The following UBE2L3 variants were observed in gnomAD, a reference collection of about 807,000 sequenced individuals.
UBE2L3 encodes ubiquitin conjugating enzyme E2 L3, also known as ubiquitin-conjugating enzyme E2 L3.
In UBE2L3, 1 loss-of-function variant was observed where a neutral mutation model predicts 17.8. The observed-to-expected ratio is 0.06, with a 90% confidence interval of 0.02 to 0.27. The LOEUF is 0.27. Among genes scored for constraint, UBE2L3 ranks in the 10% least tolerant of loss-of-function variants. UBE2L3 has a pLI of 1.00. For synonymous variants in UBE2L3, 44 were observed against 68.5 expected (o/e 0.64, Z 1.76); for missense variants, 40 against 192.6 (o/e 0.21, Z 4.69).
intron 3 of UBE2L3, among the ~76,000 whole-genome samples, chr22:21,618,962 T>G (rs1929916141): frequency 6.6e-6 from 1 of 151,890 alleles, no homozygotes; most frequent in African/African-American, 2.4e-5. Context: ...AGGTGAAAAC[T>G]CCTGAGCGTG....
At chr22:21,586,919 G>T (rs1473611701) in intron 1 of UBE2L3, among the ~76,000 whole-genome samples, 3 of 131,076 alleles carry the variant, frequency 2.3e-5, no homozygotes, top group East Asian at 5.0e-4. Context: ...TCGCTCTGTC[G>T]CCCAGGCTGG....
chr22:21,598,572 A>T (rs1928685975), intron 2 of UBE2L3, among the ~76,000 whole-genome samples: 1 of 133,346 alleles, frequency 7.5e-6, no homozygotes, highest in Admixed American at 8.2e-5. Flanking sequence ...ATAAATAGAG[A>T]TGGGGGCTGG....
chr22:21,607,820 A>G (rs565525407), intron 2 of UBE2L3, among the ~76,000 whole-genome samples: 1 of 152,240 alleles, frequency 6.6e-6, no homozygotes, highest in Non-Finnish European at 1.5e-5. Context: ...TCACCTGTTG[A>G]GTGACCAGCT....
intron 2 of UBE2L3, among the ~76,000 whole-genome samples, chr22:21,595,471 C>T (rs113388758): frequency 1.1e-4 from 16 of 152,280 alleles, no homozygotes; most frequent in African/African-American, 3.4e-4. Flanking sequence ...AGAGCCAGGC[C>T]GATGAAGGCA....
chr22:21,617,289 C>G (rs532097570), intron 3 of UBE2L3, among the ~76,000 whole-genome samples: 136 of 151,770 alleles, frequency 9.0e-4, no homozygotes, highest in African/African-American at 3.0e-3. Context: ...GTTGGGGGGA[C>G]AGAGTCTCAC....
chr22:21,621,924 A>G lies in UBE2L3; in HGVS notation c.*255A>G. ...CACTGCTTCAATCTACTTCAAAAGA[A>G]TGGTGTTTCTTTTCTTGTCCAATTT... is the stretch of plus-strand genomic sequence containing the variant. On this transcript the variant is annotated 3_prime_UTR_variant, in exon 4 of 4. Coordinates refer to ENST00000342192, the MANE Select transcript of UBE2L3 (RefSeq NM_003347.4). The G allele has an allele frequency of 2.5e-6, 1 of 401,640 alleles. No homozygotes were observed. Among genetic ancestry groups the G allele is most frequent in the Non-Finnish European group, 4.4e-6 (1 of 227,612 alleles). The allele number at this position is 401,640 out of a possible 1,614,324, so 24.9% of individuals were successfully genotyped here.
intron 1 of UBE2L3, among the ~76,000 whole-genome samples, chr22:21,569,878 G>A (rs891081396): frequency 1.3e-5 from 2 of 152,184 alleles, no homozygotes; most frequent in Non-Finnish European, 2.9e-5. Flanking sequence ...AGTTGTGATC[G>A]AATTCGGTTC....
chr22:21,589,142 A>ATG (rs1928114255), intron 1 of UBE2L3, among the ~76,000 whole-genome samples: 1 of 111,728 alleles, frequency 9.0e-6, no homozygotes, highest in Admixed American at 9.9e-5. Flanking sequence ...CATGATTGGA[A>ATG]TTTTTTTTTT....
chr22:21,599,541 A>G (rs1362954929), intron 2 of UBE2L3, among the ~76,000 whole-genome samples: 3 of 152,078 alleles, frequency 2.0e-5, no homozygotes, highest in African/African-American at 7.2e-5. Flanking sequence ...CCTGCAAGGC[A>G]CTTAAGACCA....
chr22:21,592,808 A>ATATG (rs1928333657), intron 1 of UBE2L3, 53 bp from the exon 2 acceptor site: 2 of 1,404,314 alleles, frequency 1.4e-6, no homozygotes, highest in African/African-American at 1.4e-5. Flanking sequence ...AGGGATCTTA[A>ATATG]TATGTGGTGC....
chr22:21,585,960 G>A (rs114299729), intron 1 of UBE2L3, among the ~76,000 whole-genome samples: 1,783 of 152,222 alleles, frequency 0.012, 39 homozygotes, highest in African/African-American at 0.04. Flanking sequence ...TTTTGAGACA[G>A]GGTCTTGCTC....
In UBE2L3 at chr22:21,616,257, AGGGTGGATC is replaced by A. The variant is rs1929764970; in HGVS notation, c.310+5215_310+5223del. On this transcript the variant is annotated intron_variant, in intron 3 of 3. Coordinates refer to ENST00000342192, the MANE Select transcript of UBE2L3 (RefSeq NM_003347.4). The stretch of plus-strand genomic sequence containing the variant: ...CAGCTGTATATGGGATGCTCAGACT[AGGGTGGATC>A]CATTGAGACAAAGTAGATTAGTGAT... 2.0e-5 allele frequency among the ~76,000 whole-genome samples: 3 copies of A among 152,164 alleles called. No homozygotes were observed. In the South Asian group the frequency reaches 6.2e-4, roughly 32 times the overall value.
intron 3 of UBE2L3, among the ~76,000 whole-genome samples, chr22:21,612,007 T>C (rs560199461): frequency 1.6e-4 from 25 of 152,012 alleles, no homozygotes; most frequent in Non-Finnish European, 3.4e-4. Flanking sequence ...ATGGCTGAGG[T>C]GCCACCAGTC....
At position 21,582,942 on chromosome 22, in the gene UBE2L3, G is replaced by T. The variant is rs536701275; in HGVS notation, c.28-9919G>T. On this transcript the variant is annotated intron_variant, in intron 1 of 3. Transcript: ENST00000342192. ...CTGATGCAATAAGCAGGTCCTAGAT[G>T]GCGCCTAGGCACAGTCAGCTCTCCT... Among the ~76,000 whole-genome samples, 3 of 152,228 alleles carry T rather than the reference G, an allele frequency of 2.0e-5. No individual in the cohort carries two copies. The East Asian group carries it at 5.8e-4, about 29-fold the overall frequency.
chr22:21,564,891 T>C (rs1414877176), upstream of UBE2L3, among the ~76,000 whole-genome samples: 1 of 152,174 alleles, frequency 6.6e-6, no homozygotes, highest in Admixed American at 6.6e-5. Context: ...AGTCCCACCA[T>C]GACCCTAGAG....
chr22:21,570,122 C>G (rs1339668136), intron 1 of UBE2L3, among the ~76,000 whole-genome samples: 1 of 152,290 alleles, frequency 6.6e-6, no homozygotes, highest in Admixed American at 6.5e-5. Context: ...TCTTTGAGCA[C>G]TTGTCACAAT....
chr22:21,583,709 A>T (rs1384426266), intron 1 of UBE2L3, among the ~76,000 whole-genome samples: 3 of 152,104 alleles, frequency 2.0e-5, no homozygotes, highest in African/African-American at 7.2e-5. Flanking sequence ...TAATGACATG[A>T]CGACTGCTGC....
At chr22:21,615,426 G>A (rs1183704975) in intron 3 of UBE2L3, among the ~76,000 whole-genome samples, 1 of 151,536 alleles carries the variant, frequency 6.6e-6, no homozygotes, top group African/African-American at 2.4e-5. Context: ...TTGGTGGCAG[G>A]CGCCTGTAGT....
chr22:21,601,447 G>A (rs1928854570), intron 2 of UBE2L3, among the ~76,000 whole-genome samples: 1 of 151,518 alleles, frequency 6.6e-6, no homozygotes, highest in Admixed American at 6.6e-5. Flanking sequence ...TAAGTAGCTG[G>A]GATTACAGGC....
Sources: allele counts gnomAD v4.1 joint callset (sites outside exome capture counted in the v4.1 genomes callset), GRCh38; gene constraint gnomAD v4.1.1; transcripts MANE v1.5; gene names NCBI Gene and HGNC (gene_info 2026-07-23, HGNC 2026-07-21).